Variants in MEF2A observed in about 807,000 individuals in gnomAD.
MEF2A encodes myocyte-specific enhancer factor 2A.
Under a neutral mutation model 55.8 loss-of-function variants are expected in MEF2A, and 28 were observed. The observed-to-expected ratio is 0.50, with a 90% CI of 0.37 to 0.69. MEF2A has a LOEUF of 0.69. Among genes scored for constraint, MEF2A ranks in the 30% least tolerant of loss-of-function variants. The pLI is 0.00. For synonymous variants in MEF2A, 239 were observed against 227.1 expected (o/e 1.05, Z -0.47); for missense variants, 528 against 626.2 (o/e 0.84, Z 1.67).
intron 2 of MEF2A, among the ~76,000 whole-genome samples, chr15:99,608,150 C>G (rs1975817726): frequency 6.6e-6 from 1 of 152,040 alleles, no homozygotes; most frequent in African/African-American, 2.4e-5. Context: ...AATCATATGT[C>G]CTGTTTAAGG....
intron 2 of MEF2A, among the ~76,000 whole-genome samples, chr15:99,601,235 T>C (rs939285101): frequency 6.6e-6 from 1 of 152,210 alleles, no homozygotes; most frequent in South Asian, 2.1e-4. Context: ...TATAAAACTT[T>C]ATAATTTGTA....
At chr15:99,648,170 T>C (rs2153495595) in intron 4 of MEF2A, among the ~76,000 whole-genome samples, 1 of 152,342 alleles carries the variant, frequency 6.6e-6, no homozygotes, top group African/African-American at 2.4e-5. Context: ...CATTGAAGGA[T>C]ATTTTTGGAA....
intron 1 of MEF2A, among the ~76,000 whole-genome samples, chr15:99,567,259 A>C (rs1042348731): frequency 6.6e-6 from 1 of 152,262 alleles, no homozygotes; most frequent in African/African-American, 2.4e-5. Context: ...ATGTGTTAAC[A>C]ATAGCATATG....
At chr15:99,617,751 C>A (rs899629703) in intron 2 of MEF2A, among the ~76,000 whole-genome samples, 1 of 151,968 alleles carries the variant, frequency 6.6e-6, no homozygotes, top group Admixed American at 6.5e-5. Context: ...TTAAATTGCC[C>A]ATAACTATTA....
intron 4 of MEF2A, among the ~76,000 whole-genome samples, chr15:99,651,968 TC>T (rs1223744009): frequency 6.6e-6 from 1 of 152,194 alleles, no homozygotes; most frequent in Non-Finnish European, 1.5e-5. Context: ...CCCTATGTGT[TC>T]TTTTTATGTC....
At chr15:99,680,409 C>G (rs539479511) in intron 7 of MEF2A, among the ~76,000 whole-genome samples, 31 of 152,212 alleles carry the variant, frequency 2.0e-4, no homozygotes, top group South Asian at 8.3e-4. Context: ...TTGTGATATT[C>G]AGTGCTAATG....
rs766104716 is a variant in MEF2A, at chr15:99,703,355, A to AG, written c.859-6dup. 6.2e-7 allele frequency: 1 copy of AG among 1,612,510 alleles called. No homozygotes were observed. The highest frequency in any genetic ancestry group is 8.5e-7 in the Non-Finnish European group (1 of 1,179,136). On this transcript the variant is annotated splice_polypyrimidine_tract_variant and splice_region_variant and intron_variant, in intron 8 of 11. Coordinates refer to ENST00000557942, the MANE Select transcript of MEF2A (RefSeq NM_001319206.4). ...ACTCTCTTATCCCTCTTATGTGCTG[A>AG]GTACAGTCGGAGGAAGAGGAATTGG...
At chr15:99,698,457 A>G (rs1306446442) in intron 8 of MEF2A, among the ~76,000 whole-genome samples, 1 of 152,238 alleles carries the variant, frequency 6.6e-6, no homozygotes, top group Non-Finnish European at 1.5e-5. Flanking sequence ...ATTAAAACCT[A>G]ATGAGATATA....
At chr15:99,586,012 T>C (rs1472079960) in intron 1 of MEF2A, among the ~76,000 whole-genome samples, 2 of 152,204 alleles carry the variant, frequency 1.3e-5, no homozygotes, top group Admixed American at 1.3e-4. Context: ...TCTGTGTTTG[T>C]ATCTGTCAGT....
At chr15:99,640,951 G>T (rs943218713) in intron 3 of MEF2A, among the ~76,000 whole-genome samples, 3 of 152,030 alleles carry the variant, frequency 2.0e-5, no homozygotes, top group Non-Finnish European at 4.4e-5. Flanking sequence ...CTGCATATTG[G>T]TTTTTTATCT....
At chr15:99,680,597 G>A (rs1171890864) in intron 7 of MEF2A, among the ~76,000 whole-genome samples, 1 of 152,136 alleles carries the variant, frequency 6.6e-6, no homozygotes, top group African/African-American at 2.4e-5. Context: ...AATAAGCAAA[G>A]CTTCATTGCA....
At position 99,707,415 on chromosome 15, in the gene MEF2A, G is replaced by A. The variant is rs536325731; in HGVS notation, c.1009+560G>A. ...ACAAGGGCTGTTCTGATTTCTCCTC[G>A]GAGCCAGTCACTCTGCCTTTGAGGG... On this transcript the variant is annotated intron_variant, in intron 10 of 11. Transcript: ENST00000557942. 1.1e-4 allele frequency among the ~76,000 whole-genome samples: 16 copies of A among 152,120 alleles called. No individual in the cohort carries two copies. In the South Asian group the frequency reaches 1.7e-3, roughly 16 times the overall value.
chr15:99,606,291 T>C (rs928614568), intron 2 of MEF2A, among the ~76,000 whole-genome samples: 10 of 152,140 alleles, frequency 6.6e-5, no homozygotes, highest in East Asian at 1.9e-4. Context: ...ACTGAAACTT[T>C]TGGAAGCTAA....
intron 1 of MEF2A, among the ~76,000 whole-genome samples, chr15:99,575,512 GTACGGTGTCAT>G (rs1423316973): frequency 6.6e-6 from 1 of 152,174 alleles, no homozygotes; most frequent in Non-Finnish European, 1.5e-5. Context: ...TCATGAGGCA[GTACGGTGTCAT>G]TTTGACCATG....
chr15:99,671,353 G>T lies in MEF2A; in HGVS notation c.289G>T (p.Glu97Ter). 1 of 1,612,620 alleles carries T rather than the reference G, an allele frequency of 6.2e-7. No individual in the cohort carries two copies. Among genetic ancestry groups the T allele is most frequent in the Non-Finnish European group, 8.5e-7 (1 of 1,178,780 alleles). The change falls in exon 5 of 12, where the codon GAG (glutamate) becomes TAG (stop). Residue 97 changes from glutamate (E) to a stop codon, truncating the protein, a stop_gained. Coordinates refer to ENST00000557942, the MANE Select transcript of MEF2A (RefSeq NM_001319206.4). LOFTEE classifies it high-confidence loss of function. Reference protein sequence around the residue: ...TLRKKGLNGCESPDADDYFEH... With the variant: ...TLRKKGLNGC ...AAGAAAGAAAGGCCTTAATGGTTGT[G>T]AGAGCCCTGATGCTGACGATTACTT...
intron 10 of MEF2A, among the ~76,000 whole-genome samples, chr15:99,707,914 G>C (rs2058217875): frequency 6.7e-6 from 1 of 149,836 alleles, no homozygotes; most frequent in Admixed American, 6.7e-5. Context: ...TTTTAAAACA[G>C]AATCAACAAT....
In MEF2A at chr15:99,715,117, A is replaced by G. The variant is rs1169820695; in HGVS notation, c.*2346A>G. ...ACTACTTACAGGCACATTTCTTCAT[A>G]AGGCCACACCTAATCCAAACAAGAC... On this transcript the variant is annotated 3_prime_UTR_variant, in exon 12 of 12. Transcript: ENST00000557942. 2 of 152,230 alleles carry G rather than the reference A, an allele frequency of 1.3e-5. No homozygotes were observed. The highest frequency in any genetic ancestry group is 4.8e-5 in the African/African-American group (2 of 41,458). The allele number at this position is 152,230 out of a possible 1,614,324, so 9.4% of individuals were successfully genotyped here. A position where few individuals can be genotyped will look rare whatever the true frequency, so the allele number is the denominator to read the frequency against.
intron 3 of MEF2A, among the ~76,000 whole-genome samples, chr15:99,634,487 A>G (rs536474166): frequency 6.6e-6 from 1 of 152,222 alleles, no homozygotes; most frequent in East Asian, 1.9e-4. Flanking sequence ...GACCTGCTTC[A>G]TGGATATATG....
intron 3 of MEF2A, among the ~76,000 whole-genome samples, chr15:99,641,894 A>C (rs1167430424): frequency 6.6e-6 from 1 of 152,198 alleles, no homozygotes; most frequent in Admixed American, 6.5e-5. Flanking sequence ...CCTCACTGCC[A>C]CACAGTAGCT....
Sources: allele counts gnomAD v4.1 joint callset (sites outside exome capture counted in the v4.1 genomes callset), GRCh38; gene constraint gnomAD v4.1.1; transcripts MANE v1.5; gene names NCBI Gene and HGNC (gene_info 2026-07-23, HGNC 2026-07-21).